The following GRID1 variants were observed in gnomAD, a reference collection of about 807,000 sequenced individuals.
GRID1 encodes glutamate receptor ionotropic, delta-1.
Under a neutral mutation model 98.0 loss-of-function variants are expected in GRID1, and 28 were observed. The ratio of observed to expected loss-of-function variants is 0.29; its 90% CI spans 0.21 to 0.39. The LOEUF is 0.39. Among genes scored for constraint, GRID1 ranks in the 10% least tolerant of loss-of-function variants. The pLI is 1.00. For missense variants in GRID1, 1,111 were observed against 1,340.5 expected, an observed-to-expected ratio of 0.83 and a Z score of 2.67; for synonymous variants, 553 against 538.5, an observed-to-expected ratio of 1.03 and a Z score of -0.37.
chr10:85,745,852 G>C (rs1464549235), intron 8 of GRID1, among the ~76,000 whole-genome samples: 1 of 152,048 alleles, frequency 6.6e-6, no homozygotes, highest in East Asian at 1.9e-4. Context: ...GCTGCAAAAA[G>C]AATCTACATT....
chr10:86,317,140 C>T (rs142478234), intron 2 of GRID1, among the ~76,000 whole-genome samples: 236 of 152,336 alleles, frequency 1.5e-3, no homozygotes, highest in South Asian at 8.1e-3. Flanking sequence ...GAACTCCCCC[C>T]GGACCTGCCC....
chr10:85,819,516 G>GCCTT (rs1361644270), intron 8 of GRID1, among the ~76,000 whole-genome samples: 6 of 152,122 alleles, frequency 3.9e-5, no homozygotes, highest in Admixed American at 3.3e-4. Context: ...GGCAATCAAG[G>GCCTT]TTAACATCAT....
intron 12 of GRID1, among the ~76,000 whole-genome samples, chr10:85,673,749 A>G (rs1199821067): frequency 6.6e-6 from 1 of 152,360 alleles, no homozygotes. Flanking sequence ...AAACCAAAAA[A>G]TTCCTGCGAC....
In GRID1 at chr10:85,743,115, C is replaced by A. The variant is rs1192187869; in HGVS notation, c.1234-13501G>T. Among the ~76,000 whole-genome samples the A allele has an allele frequency of 1.5e-5, 2 of 133,796 alleles. 1 individual carries two copies. Among genetic ancestry groups the A allele is most frequent in the Non-Finnish European group, 3.4e-5 (2 of 59,622 alleles). 87.8% of individuals were successfully genotyped at this position (133,796 alleles called of 152,430 possible). ...GGATAGAATTATGCAGCCCCCCCCC[C>A]CACCACCCATTGAGAACCAATTATC... On this transcript the variant is annotated intron_variant, in intron 8 of 15. Transcript: ENST00000327946.
At chr10:85,773,206 G>C (rs1380713685) in intron 8 of GRID1, among the ~76,000 whole-genome samples, 1 of 152,066 alleles carries the variant, frequency 6.6e-6, no homozygotes, top group African/African-American at 2.4e-5. Context: ...CATATAAACA[G>C]AACCAAAGAC....
At chr10:86,071,338 G>C (rs1843800994) in intron 4 of GRID1, among the ~76,000 whole-genome samples, 1 of 152,190 alleles carries the variant, frequency 6.6e-6, no homozygotes, top group Non-Finnish European at 1.5e-5. Context: ...AAATGCAACA[G>C]GCTGGTAGCA....
At chr10:85,750,973 T>G (rs574628421) in intron 8 of GRID1, among the ~76,000 whole-genome samples, 1 of 152,132 alleles carries the variant, frequency 6.6e-6, no homozygotes, top group East Asian at 1.9e-4. Flanking sequence ...ACCCACAATG[T>G]TGGATAGTAA....
intron 4 of GRID1, among the ~76,000 whole-genome samples, chr10:85,950,052 A>T (rs1564633621): frequency 6.6e-6 from 1 of 152,120 alleles, no homozygotes; most frequent in Non-Finnish European, 1.5e-5. Context: ...AGAGAGAGAG[A>T]TACCTGGTAG....
At chr10:85,672,546 T>G (rs902137845) in intron 12 of GRID1, among the ~76,000 whole-genome samples, 1 of 152,272 alleles carries the variant, frequency 6.6e-6, no homozygotes, top group East Asian at 1.9e-4. Context: ...GACCTCATGA[T>G]CTGCCCACCT....
chr10:85,881,022 A>C (rs1317227839), intron 5 of GRID1, among the ~76,000 whole-genome samples: 2 of 152,250 alleles, frequency 1.3e-5, no homozygotes, highest in African/African-American at 4.8e-5. Flanking sequence ...TCCTATTCAG[A>C]ACTGCTTCAA....
At chr10:86,299,497 C>T (rs941859150) in intron 2 of GRID1, among the ~76,000 whole-genome samples, 1 of 151,670 alleles carries the variant, frequency 6.6e-6, no homozygotes, top group African/African-American at 2.4e-5. Flanking sequence ...CCCCCCTCCC[C>T]ACAACAGGCC....
chr10:86,350,960 C>T (rs1287875880), intron 2 of GRID1, among the ~76,000 whole-genome samples: 4 of 152,236 alleles, frequency 2.6e-5, no homozygotes, highest in African/African-American at 7.2e-5. Flanking sequence ...CTGCCCTCCC[C>T]AGTCTCTAGT....
intron 4 of GRID1, among the ~76,000 whole-genome samples, chr10:86,063,250 C>T (rs1564663659): frequency 6.6e-6 from 1 of 152,202 alleles, no homozygotes; most frequent in East Asian, 1.9e-4. Context: ...ATGGTGAGTA[C>T]ACACAATGTA....
chr10:85,645,207 A>C (rs1380926455), intron 13 of GRID1, among the ~76,000 whole-genome samples: 1 of 151,948 alleles, frequency 6.6e-6, no homozygotes, highest in Non-Finnish European at 1.5e-5. Context: ...GAATCTTCTT[A>C]AGACCCTGTG....
intron 2 of GRID1, among the ~76,000 whole-genome samples, chr10:86,254,264 C>T (rs1378923882): frequency 6.6e-6 from 1 of 152,242 alleles, no homozygotes. Context: ...CCTGCCCTCA[C>T]CAACTGAGGG....
intron 4 of GRID1, among the ~76,000 whole-genome samples, chr10:85,976,602 G>A (rs1052869668): frequency 1.3e-5 from 2 of 152,200 alleles, no homozygotes; most frequent in Non-Finnish European, 1.5e-5. Flanking sequence ...CCTTGCCCCC[G>A]TGGCATCCAC....
chr10:85,923,625 T>C (rs1841736085), intron 4 of GRID1, among the ~76,000 whole-genome samples: 1 of 152,070 alleles, frequency 6.6e-6, no homozygotes, highest in African/African-American at 2.4e-5. Flanking sequence ...AGCCTACAAA[T>C]GGAAAAACCA....
At chr10:85,915,433 A>G (rs1312092237) in intron 5 of GRID1, among the ~76,000 whole-genome samples, 1 of 151,976 alleles carries the variant, frequency 6.6e-6, no homozygotes, top group Non-Finnish European at 1.5e-5. Context: ...AACACATTCA[A>G]TTCACACACA....
At chr10:85,958,972 AG>A (rs1420216063) in intron 4 of GRID1, among the ~76,000 whole-genome samples, 55 of 147,436 alleles carry the variant, frequency 3.7e-4, no homozygotes, top group Admixed American at 6.0e-4. Flanking sequence ...AAAAAAAAAA[AG>A]AAAGAAAGAA....
Sources: allele counts gnomAD v4.1 joint callset (sites outside exome capture counted in the v4.1 genomes callset), GRCh38; gene constraint gnomAD v4.1.1; transcripts MANE v1.5; gene names NCBI Gene and HGNC (gene_info 2026-07-23, HGNC 2026-07-21).